The following TAS1R2 variants were observed in gnomAD, a reference collection of about 807,000 sequenced individuals.
The protein encoded by TAS1R2 is taste receptor type 1 member 2.
Under a neutral mutation model 49.3 loss-of-function variants are expected in TAS1R2, and 47 were observed. The observed-to-expected ratio is 0.95, with a 90% CI of 0.75 to 1.22. The LOEUF (loss-of-function observed/expected upper bound fraction) is 1.22. TAS1R2 is among the 50% of genes most tolerant of loss of function. The pLI is 0.00. For synonymous variants in TAS1R2, 479 were observed against 467.9 expected (o/e 1.02, Z -0.31); for missense variants, 1,155 against 1,122.1 (o/e 1.03, Z -0.42).
intron 4 of TAS1R2, 52 bp from the exon 5 acceptor site, chr1:18,841,904 G>T: frequency 6.6e-7 from 1 of 1,509,046 alleles, no homozygotes; most frequent in African/African-American, 1.4e-5. Context: ...ACATTCTGGG[G>T]GCCCCCTCCC....
exon 6 of TAS1R2, chr1:18,839,815 G>A: frequency 6.2e-7 from 1 of 1,614,244 alleles, no homozygotes; most frequent in African/African-American, 1.3e-5. Context: ...AGGTGAAATA[G>A]AAGGTCATGC....
chr1:18,840,059 A>G (rs1439534399), exon 6 of TAS1R2: 4 of 1,614,210 alleles, frequency 2.5e-6, no homozygotes, highest in Non-Finnish European at 2.5e-6. Context: ...CATTTTGAGT[A>G]CCGTGATAAA....
At chr1:18,849,290 GGCCCCAGGCCCC>G (rs759508833) in intron 4 of TAS1R2, 39 bp downstream of exon 4, 16 of 1,600,922 alleles carry the variant, frequency 1.0e-5, no homozygotes, top group South Asian at 2.2e-5. Context: ...CTCCAGCAAG[GGCCCCAGGCCCC>G]GCCCCAGGCC....
chr1:18,841,011 G>C (rs972622729), intron 5 of TAS1R2, among the ~76,000 whole-genome samples: 1 of 152,210 alleles, frequency 6.6e-6, no homozygotes, highest in Non-Finnish European at 1.5e-5. Flanking sequence ...TGGGAGGAAG[G>C]CCAATGAAAT....
rs895677670 is a variant in TAS1R2, at chr1:18,855,071, TG to T, written c.484-86del. ...CAGGGCTCTATCCACCATCATCATC[TG>T]GGAAGCACCTAGTGCAAGCCACCCC... is the stretch of plus-strand genomic sequence containing the variant. On this transcript the variant is annotated intron_variant, in intron 2 of 5. Coordinates refer to ENST00000375371, the Ensembl canonical transcript of TAS1R2. 1.5e-5 allele frequency: 23 copies of T among 1,524,772 alleles called. No homozygotes were observed. In the African/African-American group the frequency reaches 2.6e-4, roughly 17 times the overall value. The allele number at this position is 1,524,772 out of a possible 1,614,324, so 94.5% of individuals were successfully genotyped here.
At chr1:18,857,052 G>A (rs938226510) in intron 2 of TAS1R2, among the ~76,000 whole-genome samples, 1 of 152,234 alleles carries the variant, frequency 6.6e-6, no homozygotes, top group African/African-American at 2.4e-5. Flanking sequence ...CTTTACAGGT[G>A]AGGAAACTGA....
At chr1:18,849,356 G>A in exon 4 of TAS1R2, 1 of 1,614,042 alleles carries the variant, frequency 6.2e-7, no homozygotes, top group Non-Finnish European at 8.5e-7. Flanking sequence ...TGTTGATGGT[G>A]TGCCAGGAGA....
rs1358268235 is a variant in TAS1R2, at chr1:18,841,720, G to T, written c.1591+9C>A. The T allele has an allele frequency of 6.2e-7, 1 of 1,612,320 alleles. No individual in the cohort carries two copies. Among genetic ancestry groups the T allele is most frequent in the South Asian group, 1.1e-5 (1 of 91,022 alleles). On this transcript the variant is annotated intron_variant, in intron 5 of 5. Coordinates refer to ENST00000375371, the Ensembl canonical transcript of TAS1R2. ...GGCAGGGCAGGAGTGCTAGGCCTGT[G>T]AATCATACCTTCAGTGTGGTTGAGG...
In TAS1R2 at chr1:18,854,821, G is replaced by A. The variant is rs779157147; in HGVS notation, c.649C>T (p.Arg217Cys). 2 of 1,607,344 alleles carry A rather than the reference G, an allele frequency of 1.2e-6. No homozygotes were observed. Among genetic ancestry groups the A allele is most frequent in the Non-Finnish European group, 1.7e-6 (2 of 1,179,228 alleles). ...TCGCCAAGCAGCTGGCCATTGTCGC[G>A]GCCATAGGTGTCGCTGCTCACCAGC... The change falls in exon 3 of 6, where the codon CGC becomes TGC. Residue 217 changes from arginine to cysteine, a missense_variant. Coordinates refer to ENST00000375371, the Ensembl canonical transcript of TAS1R2. The surrounding 1 kb of genome is among the most constrained non-coding windows in gnomAD (Gnocchi z 4.9).
intron 4 of TAS1R2, among the ~76,000 whole-genome samples, chr1:18,842,940 TTA>T (rs1465213684): frequency 1.4e-4 from 22 of 152,366 alleles, no homozygotes; most frequent in African/African-American, 5.3e-4. Context: ...AAATGTTATG[TTA>T]TATGTCTTTT....
Position 18,851,492 on chromosome 1 carries a change from G to A in TAS1R2, c.1258-1942C>T, listed in dbSNP as rs140675408. Among the ~76,000 whole-genome samples the A allele has an allele frequency of 5.7e-3, 862 of 152,192 alleles. 12 individuals are homozygous for A. The highest frequency in any genetic ancestry group is 0.019 in the African/African-American group (809 of 41,530). ...TTACAGACGCCCTCCACTATGCCCA[G>A]CTAATTTTTTGTTTTTTTAGTAGAG... On this transcript the variant is annotated intron_variant, in intron 3 of 5. Transcript: ENST00000375371.
Position 18,854,450 on chromosome 1 carries a change from C to T in TAS1R2, c.1020G>A (p.Glu340=). Residue 340 remains glutamate (E), a synonymous_variant, in exon 3 of 6, where the codon GAG becomes GAA. Transcript: ENST00000375371. The surrounding 1 kb of genome is among the most constrained non-coding windows in gnomAD (Gnocchi z 4.9). ...GTGGCGGCCCAGCCTGTGGGCCCCA[C>T]TCGCGGAACTCACTGAAGCCCGGGA... The T allele has an allele frequency of 6.2e-7, 1 of 1,614,186 alleles. No individual in the cohort carries two copies. The highest frequency in any genetic ancestry group is 8.5e-7 in the Non-Finnish European group (1 of 1,180,038).
intron 4 of TAS1R2, 71 bp downstream of exon 4, chr1:18,849,270 G>T: frequency 6.5e-7 from 1 of 1,531,946 alleles, no homozygotes; most frequent in Non-Finnish European, 9.0e-7. Flanking sequence ...AATGAAAAGG[G>T]CCCTAGCCAC....
At chr1:18,846,781 TG>T (rs1204045456) in intron 4 of TAS1R2, among the ~76,000 whole-genome samples, 1 of 152,208 alleles carries the variant, frequency 6.6e-6, no homozygotes, top group Non-Finnish European at 1.5e-5. Flanking sequence ...GGTGGTGATG[TG>T]GGTGTCCCCA....
At position 18,854,925 on chromosome 1, in the gene TAS1R2, C is replaced by G. The variant is rs536515901; in HGVS notation, c.545G>C (p.Arg182Pro). 2.5e-6 allele frequency: 4 copies of G among 1,610,940 alleles called. No individual in the cohort carries two copies. Among genetic ancestry groups the G allele is most frequent in the African/African-American group, 2.7e-5 (2 of 75,002 alleles). Residue 182 changes from arginine to proline, a missense_variant, in exon 3 of 6, where the codon CGT becomes CCT. Physicochemically the swap from Arg to Pro is moderately radical, Grantham distance 103 (BLOSUM62 -2). Transcript: ENST00000375371. This position sits in a 1 kb window ranked among gnomAD's most constrained non-coding sequence, Gnocchi z 4.9. ...GTGGTGGTCGGCGCTGGGTGTGGTACGCAGCAAAGCCGGGAAGCGCACCTT... is the reference window on the plus strand; with the variant it reads ...GTGGTGGTCGGCGCTGGGTGTGGTAGGCAGCAAAGCCGGGAAGCGCACCTT...
intron 4 of TAS1R2, among the ~76,000 whole-genome samples, chr1:18,844,057 G>A (rs139577198): frequency 1.3e-5 from 2 of 152,302 alleles, no homozygotes; most frequent in Admixed American, 1.3e-4. Context: ...TTCACAAGTA[G>A]GTTGGTTTGA....
In TAS1R2 at chr1:18,854,111, TG is replaced by T; in HGVS notation, c.1257+101del. 8.3e-7 allele frequency: 1 copy of T among 1,198,702 alleles called. No individual in the cohort carries two copies. The highest frequency in any genetic ancestry group is 2.5e-5 in the East Asian group (1 of 39,758). 74.3% of individuals were successfully genotyped at this position (1,198,702 alleles called of 1,614,324 possible). The stretch of plus-strand genomic sequence containing the variant: ...CCAGGAAGGACTAGTGCTATGTGTC[TG>T]GAAGAATGGGATACTCATGCCCTTT... On this transcript the variant is annotated intron_variant, in intron 3 of 5. Coordinates refer to ENST00000375371, the Ensembl canonical transcript of TAS1R2. The surrounding 1 kb of genome is among the most constrained non-coding windows in gnomAD (Gnocchi z 4.9).
In TAS1R2 at chr1:18,854,529, G is replaced by A. The variant is rs148292629; in HGVS notation, c.941C>T (p.Thr314Met). Residue 314 changes from threonine to methionine, a missense_variant, in exon 3 of 6, where the codon ACG becomes ATG. Thr to Met is a moderately conservative substitution (Grantham distance 81). Transcript: ENST00000375371. This position sits in a 1 kb window ranked among gnomAD's most constrained non-coding sequence, Gnocchi z 4.9. ...GAAGGTGCCCAAGTGGCGCAGCTCC[G>A]TGAGGTTGTGCAGGACCGGGTCGAT... 149 of 1,613,798 alleles carry A rather than the reference G, an allele frequency of 9.2e-5. 1 individual carries two copies. In the African/African-American group the frequency reaches 1.1e-3, roughly 12 times the overall value.
At chr1:18,851,296 G>A (rs1934019425) in intron 3 of TAS1R2, among the ~76,000 whole-genome samples, 3 of 152,070 alleles carry the variant, frequency 2.0e-5, no homozygotes, top group African/African-American at 7.2e-5. Context: ...TCGCAACCCT[G>A]ACCCTCCTGA....
Sources: allele counts gnomAD v4.1 joint callset (sites outside exome capture counted in the v4.1 genomes callset), GRCh38; gene constraint gnomAD v4.1.1; non-coding constraint Gnocchi (gnomAD v3.1); transcripts MANE v1.5; gene names NCBI Gene and HGNC (gene_info 2026-07-23, HGNC 2026-07-21).